The following WDR33 variants were observed in gnomAD, a reference collection of about 807,000 sequenced individuals.
WDR33 encodes WD repeat domain 33.
A neutral mutation model predicts 164.9 loss-of-function variants in WDR33; 47 were observed. The observed-to-expected ratio is 0.29, with a 90% CI of 0.23 to 0.36. The LOEUF (loss-of-function observed/expected upper bound fraction) is 0.36, where lower values mean the gene tolerates loss of function less well. WDR33 is among the 10% of genes least tolerant of loss of function. WDR33 has a pLI of 1.00. For missense variants in WDR33, 1,137 were observed against 1,754.1 expected (o/e 0.65, Z 6.28); for synonymous variants, 505 against 589.0 (o/e 0.86, Z 2.06).
chr2:127,794,627 G>C (rs1688960247), intron 1 of WDR33, among the ~76,000 whole-genome samples: 1 of 151,858 alleles, frequency 6.6e-6, no homozygotes, highest in Admixed American at 6.6e-5. Context: ...GAGATCAGGA[G>C]TTCAAGACCA....
At chr2:127,786,583 T>C (rs954231684) in intron 1 of WDR33, among the ~76,000 whole-genome samples, 8 of 152,158 alleles carry the variant, frequency 5.3e-5, no homozygotes, top group Non-Finnish European at 7.3e-5. Flanking sequence ...CACAGGAGGC[T>C]ACAGCATGAG....
At chr2:127,752,910 T>C (rs1687414192) in intron 7 of WDR33, among the ~76,000 whole-genome samples, 1 of 152,134 alleles carries the variant, frequency 6.6e-6, no homozygotes, top group African/African-American at 2.4e-5. Context: ...AATCCACTTA[T>C]AAGACTTTAT....
At chr2:127,758,303 A>G (rs1687577576) in intron 7 of WDR33, among the ~76,000 whole-genome samples, 1 of 152,184 alleles carries the variant, frequency 6.6e-6, no homozygotes, top group South Asian at 2.1e-4. Context: ...ATTCCTTTTA[A>G]AACATAAAAG....
At chr2:127,783,049 G>A (rs747621102) in intron 1 of WDR33, among the ~76,000 whole-genome samples, 2 of 152,240 alleles carry the variant, frequency 1.3e-5, no homozygotes, top group African/African-American at 4.8e-5. Context: ...AGCAGGATAT[G>A]TGTATGTTAT....
rs772505011 is a variant in WDR33 at position 127,723,043 on chromosome 2, A to C, written c.1293T>G (p.Asp431Glu). ...PGMSEDGVEYDDLEPNSLAVI... is the reference protein window; with the variant it reads ...PGMSEDGVEYEDLEPNSLAVI... ...CTGCCAGGCTATTAGGTTCGAGGTCATCTATAAATAGTAATACACCATTGT... is the reference window on the plus strand; with the variant it reads ...CTGCCAGGCTATTAGGTTCGAGGTCCTCTATAAATAGTAATACACCATTGT... The change falls in exon 13 of 22, where the codon GAT becomes GAG. Residue 431 changes from aspartate (D) to glutamate (E), a missense_variant and splice_region_variant. Physicochemically the swap from Asp to Glu is conservative, Grantham distance 45 (BLOSUM62 2). Coordinates refer to ENST00000322313, the MANE Select transcript of WDR33 (RefSeq NM_018383.5). This position sits in a 1 kb window ranked among gnomAD's most constrained non-coding sequence, Gnocchi z 5.9. 6.2e-6 allele frequency: 10 copies of C among 1,606,216 alleles called. No individual in the cohort carries two copies. In the African/African-American group the frequency reaches 1.3e-4, roughly 22 times the overall value.
Position 127,701,348 on chromosome 2 carries a change from G to C in WDR33, c.*4975C>G. 2.0e-6 allele frequency: 1 copy of C among 490,148 alleles called. No homozygotes were observed. Among genetic ancestry groups the C allele is most frequent in the Non-Finnish European group, 3.2e-6 (1 of 317,438 alleles). 30.4% of individuals were successfully genotyped at this position (490,148 alleles called of 1,614,324 possible). On this transcript the variant is annotated 3_prime_UTR_variant, in exon 22 of 22. Transcript: ENST00000322313. ...CTGCAAGCGGACAGGCAGCACCTGC[G>C]ACCACGGTACTTGGGGACACCACAA...
At chr2:127,752,915 CTTTA>C (rs547909506) in intron 7 of WDR33, among the ~76,000 whole-genome samples, 16 of 152,062 alleles carry the variant, frequency 1.1e-4, no homozygotes, top group African/African-American at 2.2e-4. Flanking sequence ...ACTTATAAGA[CTTTA>C]TTTATTTATT....
At chr2:127,732,689 T>G (rs935407044) in intron 7 of WDR33, among the ~76,000 whole-genome samples, 1 of 152,200 alleles carries the variant, frequency 6.6e-6, no homozygotes, top group African/African-American at 2.4e-5. Flanking sequence ...CAGGAAGATG[T>G]GCCTCAGATA....
chr2:127,804,176 C>A (rs1166806034), intron 1 of WDR33, among the ~76,000 whole-genome samples: 2 of 151,938 alleles, frequency 1.3e-5, no homozygotes, highest in East Asian at 1.9e-4. Context: ...AAAAAATTAG[C>A]CAGGCATGGT....
chr2:127,775,089 C>T (rs1688143949), intron 1 of WDR33, among the ~76,000 whole-genome samples: 1 of 152,074 alleles, frequency 6.6e-6, no homozygotes, highest in African/African-American at 2.4e-5. Context: ...CTGAATTTAC[C>T]AAATCCCACT....
At chr2:127,800,636 C>CAAA (rs35733292) in intron 1 of WDR33, among the ~76,000 whole-genome samples, 3 of 95,580 alleles carry the variant, frequency 3.1e-5, no homozygotes, top group South Asian at 3.2e-4. Context: ...GACTCCGTCT[C>CAAA]AAAAAAAAAA....
At position 127,716,752 on chromosome 2, in the gene WDR33, G is replaced by A. The variant is rs800861; in HGVS notation, c.2869+403C>T. ...CATAACCAGCTGAAGAGTTCAATGT[G>A]TGACAGGGTTTGGGAAGACAAGGAT... On this transcript the variant is annotated intron_variant, in intron 17 of 21. Transcript: ENST00000322313. This position sits in a 1 kb window ranked among gnomAD's most constrained non-coding sequence, Gnocchi z 4.5. Among the ~76,000 whole-genome samples, 98,183 of 152,178 alleles carry A rather than the reference G, an allele frequency of 0.65. 34,121 individuals carry two copies. Among genetic ancestry groups the A allele is most frequent in the African/African-American group, 0.91 (37,696 of 41,546 alleles).
At chr2:127,728,026 C>T (rs1164920065) in intron 7 of WDR33, among the ~76,000 whole-genome samples, 1 of 152,130 alleles carries the variant, frequency 6.6e-6, no homozygotes, top group Non-Finnish European at 1.5e-5. Flanking sequence ...AGGGAGGTGA[C>T]AACAATCTGG....
chr2:127,788,514 GT>G (rs1688702386), intron 1 of WDR33, among the ~76,000 whole-genome samples: 3 of 123,198 alleles, frequency 2.4e-5, no homozygotes, highest in Non-Finnish European at 5.1e-5. Flanking sequence ...GGCTGGCCGG[GT>G]GGGGGGGCTG....
At chr2:127,711,844 C>T (rs1686187832) in intron 18 of WDR33, among the ~76,000 whole-genome samples, 1 of 144,954 alleles carries the variant, frequency 6.9e-6, no homozygotes, top group South Asian at 2.2e-4. Context: ...GCAATCTTGG[C>T]TCACTGCTAT....
At chr2:127,779,023 T>C (rs1458947583) in intron 1 of WDR33, among the ~76,000 whole-genome samples, 3 of 152,108 alleles carry the variant, frequency 2.0e-5, no homozygotes, top group African/African-American at 7.2e-5. Context: ...TTCCTGGGGG[T>C]AGAGCGAGGC....
Position 127,702,093 on chromosome 2 carries a change from C to T in WDR33, c.*4230G>A. The T allele has an allele frequency of 2.5e-6, 3 of 1,216,702 alleles. No homozygotes were observed. Among genetic ancestry groups the T allele is most frequent in the Non-Finnish European group, 3.1e-6 (3 of 980,856 alleles). The allele number at this position is 1,216,702 out of a possible 1,614,324, so 75.4% of individuals were successfully genotyped here. ...GCTGGCCGCGCTGGTTGGGCTGCTG[C>T]CCTGGGGCGGCGGCACCGCGCTGCG... On this transcript the variant is annotated 3_prime_UTR_variant, in exon 22 of 22. Coordinates refer to ENST00000322313, the MANE Select transcript of WDR33 (RefSeq NM_018383.5).
chr2:127,713,632 A>T lies in WDR33; in HGVS notation c.3259T>A (p.Phe1087Ile). ...CGTGGGTCCTCGGGATCCCGGGGGA[A>T]ACGTTCATCTCCGGGCCTGCGGCCT... ...WEGRRPGDER[F>I]PRDPEDPRFR... Residue 1087 changes from phenylalanine to isoleucine, a missense_variant, in exon 18 of 22, where the codon TTC becomes ATC. Phe to Ile is a conservative substitution (Grantham distance 21, BLOSUM62 0). Coordinates refer to ENST00000322313, the MANE Select transcript of WDR33 (RefSeq NM_018383.5). The surrounding 1 kb of genome is among the most constrained non-coding windows in gnomAD (Gnocchi z 6.2). 6.2e-7 allele frequency: 1 copy of T among 1,614,240 alleles called. No individual in the cohort carries two copies. Among genetic ancestry groups the T allele is most frequent in the Non-Finnish European group, 8.5e-7 (1 of 1,180,036 alleles).
rs746356662 is a variant in WDR33, at chr2:127,713,787, C to T, written c.3104G>A (p.Arg1035Gln). 12 of 1,614,142 alleles carry T rather than the reference C, an allele frequency of 7.4e-6. No homozygotes were observed. Among genetic ancestry groups the T allele is most frequent in the African/African-American group, 6.7e-5 (5 of 74,948 alleles). The change falls in exon 18 of 22, where the codon CGA (arginine) becomes CAA (glutamine). Residue 1035 changes from arginine (R) to glutamine (Q), a missense_variant. Arg to Gln is a conservative substitution (Grantham distance 43, BLOSUM62 1). Coordinates refer to ENST00000322313, the MANE Select transcript of WDR33 (RefSeq NM_018383.5). This position sits in a 1 kb window ranked among gnomAD's most constrained non-coding sequence, Gnocchi z 6.2. ...CTCTTCTTGCGGTAAAGGTCCTCCT[C>T]GCCCCTCAAATTCACGTAACCGGTG... ...FGHRLREFEG[R>Q]GGPLPQEEKW... is the part of the protein sequence containing the mutation.
Sources: gnomAD v4.1 joint callset for allele counts (sites outside exome capture counted in the v4.1 genomes callset) on GRCh38, gnomAD v4.1.1 for gene constraint, Gnocchi (gnomAD v3.1) non-coding constraint, MANE v1.5 for transcripts, NCBI Gene and HGNC (gene_info 2026-07-23, HGNC 2026-07-21) for gene names.